HSD11B1L: variants seen among roughly 807,000 people sequenced by gnomAD.
The protein encoded by HSD11B1L is hydroxysteroid 11-beta dehydrogenase 1 like, also known as hydroxysteroid 11-beta-dehydrogenase 1-like protein.
In HSD11B1L, 22 loss-of-function variants were observed where a neutral mutation model predicts 27.0. The observed-to-expected ratio is 0.81, with a 90% CI of 0.58 to 1.16. The LOEUF is 1.16. Ranked by LOEUF, HSD11B1L falls within the 50% of genes most tolerant of loss-of-function variation. The pLI, the probability that HSD11B1L is intolerant of heterozygous loss-of-function variation, is 0.00. For synonymous variants in HSD11B1L, 187 were observed against 189.2 expected (o/e 0.99, Z 0.09); for missense variants, 372 against 401.8 (o/e 0.93, Z 0.63).
At chr19:5,681,810 C>T (rs887220082) in intron 1 of HSD11B1L, among the ~76,000 whole-genome samples, 1 of 152,158 alleles carries the variant, frequency 6.6e-6, no homozygotes, top group African/African-American at 2.4e-5. Flanking sequence ...TGGCCATCCA[C>T]CCATCCATCC....
At chr19:5,683,315 C>G (rs2054605953) in intron 1 of HSD11B1L, among the ~76,000 whole-genome samples, 1 of 151,698 alleles carries the variant, frequency 6.6e-6, no homozygotes, top group Non-Finnish European at 1.5e-5. Context: ...ATATCTTCAT[C>G]TGGATGACGC....
rs369668767 is a variant in HSD11B1L, at chr19:5,687,494, C to A, written c.503-9C>A. The A allele has an allele frequency of 5.0e-6, 8 of 1,591,598 alleles. No homozygotes were observed. Among genetic ancestry groups the A allele is most frequent in the Non-Finnish European group, 5.1e-6 (6 of 1,174,482 alleles). ...GGAGCCACTCAGCCGCTGCCGTCCG[C>A]GCCCCCAGGCCGCGTGCCCACGTCG... is the stretch of plus-strand genomic sequence containing the variant. On this transcript the variant is annotated splice_polypyrimidine_tract_variant and intron_variant, in intron 6 of 7. Transcript: ENST00000339423. The surrounding 1 kb of genome is among the most constrained non-coding windows in gnomAD (Gnocchi z 6.6).
Position 5,688,344 on chromosome 19 carries a change from C to T in HSD11B1L, c.*399C>T, listed in dbSNP as rs569286407. 3 of 708,992 alleles carry T rather than the reference C, an allele frequency of 4.2e-6. No individual in the cohort carries two copies. Among genetic ancestry groups the T allele is most frequent in the Non-Finnish European group, 6.9e-6 (3 of 436,706 alleles). 43.9% of individuals were successfully genotyped at this position (708,992 alleles called of 1,614,324 possible). A position where few individuals can be genotyped will look rare whatever the true frequency, so the allele number is the denominator to read the frequency against. The stretch of plus-strand genomic sequence containing the variant: ...TTCCATTCATTCCATCTGGGAGGAA[C>T]CCCCCCAACTCCTGCCAGCTTCCCC... On this transcript the variant is annotated 3_prime_UTR_variant, in exon 8 of 8. Transcript: ENST00000339423.
At chr19:5,686,368 A>G in intron 3 of HSD11B1L, 48 bp from the exon 4 acceptor site, 1 of 1,290,416 alleles carries the variant, frequency 7.7e-7, no homozygotes, top group Non-Finnish European at 1.1e-6. Flanking sequence ...TGGAGGGGGA[A>G]GCGCTGCTGT....
Position 5,685,392 on chromosome 19 carries a change from A to G in HSD11B1L, c.204+273A>G. 1.8e-6 allele frequency: 1 copy of G among 570,386 alleles called. No homozygotes were observed. Among genetic ancestry groups the G allele is most frequent in the Middle Eastern group, 3.3e-4 (1 of 3,026 alleles). 35.3% of individuals were successfully genotyped at this position (570,386 alleles called of 1,614,324 possible). A position where few individuals can be genotyped will look rare whatever the true frequency, so the allele number is the denominator to read the frequency against. ...GGAGTTCAAGACCAGCCTGGCCAAC[A>G]TGGCGAAACCTGGTCTCTACTAAGA... On this transcript the variant is annotated intron_variant, in intron 3 of 7. Coordinates refer to ENST00000339423, the MANE Select transcript of HSD11B1L (RefSeq NM_198706.3). This position sits in a 1 kb window ranked among gnomAD's most constrained non-coding sequence, Gnocchi z 4.3.
rs1794266214 is a variant in HSD11B1L at position 5,681,275 on chromosome 19, AGTGCACGGTTTAGGG to A, written c.-15+9_-15+23del. On this transcript the variant is annotated splice_donor_5th_base_variant and intron_variant, in intron 1 of 7. Coordinates refer to ENST00000339423, the MANE Select transcript of HSD11B1L (RefSeq NM_198706.3). ...GGGGAAACTGAGGCCTGAGCGGGTG[AGTGCACGGTTTAGGG>A]GTGCGCAGAGGGTCACACGCCCGCT... 1 of 152,424 alleles carries A rather than the reference AGTGCACGGTTTAGGG, an allele frequency of 6.6e-6. No individual in the cohort carries two copies. Among genetic ancestry groups the A allele is most frequent in the South Asian group, 2.0e-4 (1 of 4,900 alleles). 9.4% of individuals were successfully genotyped at this position (152,424 alleles called of 1,614,324 possible). A position where few individuals can be genotyped will look rare whatever the true frequency, so the allele number is the denominator to read the frequency against.
In HSD11B1L at chr19:5,685,065, G is replaced by C; in HGVS notation, c.150G>C (p.Ala50=). The C allele has an allele frequency of 1.3e-6, 2 of 1,555,226 alleles. No homozygotes were observed. The highest frequency in any genetic ancestry group is 1.7e-6 in the Non-Finnish European group (2 of 1,149,408). Residue 50 remains alanine, a synonymous_variant, in exon 3 of 8, where the codon GCG becomes GCC. Transcript: ENST00000339423. The surrounding 1 kb of genome is among the most constrained non-coding windows in gnomAD (Gnocchi z 4.3). Reference sequence around the variant, plus strand: ...GTGAGGAGCTGGCCTATCACTACGCGCGTCTGGGCTCCCACCTGGTGCTCA... The same window carrying C: ...GTGAGGAGCTGGCCTATCACTACGCCCGTCTGGGCTCCCACCTGGTGCTCA... ...GVGEELAYHY[A]RLGSHLVLTA... is the part of the protein sequence containing the mutation.
At chr19:5,686,091 G>A (rs1568300571) in intron 3 of HSD11B1L, among the ~76,000 whole-genome samples, 1 of 152,138 alleles carries the variant, frequency 6.6e-6, no homozygotes, top group Non-Finnish European at 1.5e-5. Flanking sequence ...GCAGTCCATT[G>A]CTACTTCAAG....
At position 5,688,044 on chromosome 19, in the gene HSD11B1L, C is replaced by T; in HGVS notation, c.*99C>T. 1.3e-6 allele frequency: 2 copies of T among 1,551,550 alleles called. No homozygotes were observed. Among genetic ancestry groups the T allele is most frequent in the Admixed American group, 2.0e-5 (1 of 51,004 alleles). On this transcript the variant is annotated 3_prime_UTR_variant, in exon 8 of 8. Transcript: ENST00000339423. ...ACAGAGACACCCCTGAGAGGGTGGC[C>T]ACAGCCCAAGATGAAGTCATCAAGA...
chr19:5,688,337 G>A lies in HSD11B1L; in HGVS notation c.*392G>A. 1 of 766,582 alleles carries A rather than the reference G, an allele frequency of 1.3e-6. No individual in the cohort carries two copies. Among genetic ancestry groups the A allele is most frequent in the Non-Finnish European group, 2.0e-6 (1 of 487,848 alleles). 47.5% of individuals were successfully genotyped at this position (766,582 alleles called of 1,614,324 possible). On this transcript the variant is annotated 3_prime_UTR_variant, in exon 8 of 8. Transcript: ENST00000339423. ...TTATTCTTTCCATTCATTCCATCTGGGAGGAACCCCCCCAACTCCTGCCAG... is the reference window on the plus strand; with the variant it reads ...TTATTCTTTCCATTCATTCCATCTGAGAGGAACCCCCCCAACTCCTGCCAG...
intron 1 of HSD11B1L, among the ~76,000 whole-genome samples, chr19:5,683,440 C>T (rs1489611866): frequency 6.6e-6 from 1 of 152,124 alleles, no homozygotes; most frequent in Non-Finnish European, 1.5e-5. Flanking sequence ...TCATATCACT[C>T]CATGATCAAT....
Position 5,687,693 on chromosome 19 carries a change from T to C in HSD11B1L, c.668+25T>C, listed in dbSNP as rs749609426. The C allele has an allele frequency of 1.0e-5, 16 of 1,549,732 alleles. No individual in the cohort carries two copies. The highest frequency in any genetic ancestry group is 1.4e-5 in the Non-Finnish European group (16 of 1,152,580). On this transcript the variant is annotated intron_variant, in intron 7 of 7. Coordinates refer to ENST00000339423, the MANE Select transcript of HSD11B1L (RefSeq NM_198706.3). The surrounding 1 kb of genome is among the most constrained non-coding windows in gnomAD (Gnocchi z 6.6). The stretch of plus-strand genomic sequence containing the variant: ...GGTGAGGCCCGGACAAGCTGGGGGC[T>C]GGGCTGGGGGCCATGGCCCAGCCCC...
intron 1 of HSD11B1L, among the ~76,000 whole-genome samples, chr19:5,683,505 C>A (rs2054609920): frequency 6.6e-6 from 1 of 152,178 alleles, no homozygotes; most frequent in South Asian, 2.1e-4. Context: ...GCCCTGAAGA[C>A]CCAATAGGGA....
rs1249246555 is a variant in HSD11B1L at position 5,686,862 on chromosome 19, G to A, written c.317-38G>A. On this transcript the variant is annotated intron_variant, in intron 4 of 7. Coordinates refer to ENST00000339423, the MANE Select transcript of HSD11B1L (RefSeq NM_198706.3). ...GGGCGGGGTTTGATCGTTTCCTTGG[G>A]GAGGGGCCTCCGGGGCTGACCGGCG... 5 of 1,492,708 alleles carry A rather than the reference G, an allele frequency of 3.3e-6. No individual in the cohort carries two copies. In the East Asian group the frequency reaches 1.0e-4, roughly 30 times the overall value. The allele number at this position is 1,492,708 out of a possible 1,614,324, so 92.5% of individuals were successfully genotyped here. A position where few individuals can be genotyped will look rare whatever the true frequency, so the allele number is the denominator to read the frequency against.
Position 5,687,664 on chromosome 19 carries a change from G to C in HSD11B1L, c.664G>C (p.Val222Leu), listed in dbSNP as rs766902997. Residue 222 changes from valine (V) to leucine (L), a missense_variant, in exon 7 of 8, where the codon GTC becomes CTC. By Grantham distance (32) the Val-to-Leu change is conservative. Transcript: ENST00000339423. This position sits in a 1 kb window ranked among gnomAD's most constrained non-coding sequence, Gnocchi z 6.6. The part of the protein sequence containing the change: ...LRDRASAAEA[V>L]RGVTRVKAAP... ...AGATCGCGCCTCCGCCGCCGAGGCA[G>C]TCAGGTGAGGCCCGGACAAGCTGGG... 3.2e-6 allele frequency: 5 copies of C among 1,581,404 alleles called. No homozygotes were observed. Among genetic ancestry groups the C allele is most frequent in the Non-Finnish European group, 4.3e-6 (5 of 1,169,424 alleles).
chr19:5,684,380 G>A (rs562573775), intron 1 of HSD11B1L: 7 of 332,370 alleles, frequency 2.1e-5, no homozygotes, highest in Non-Finnish European at 3.3e-5. Context: ...GGTTATATCC[G>A]GGAACAGCAT....
At chr19:5,684,772 G>A (rs2054643845) in intron 1 of HSD11B1L, 47 bp from the exon 2 acceptor site, 1 of 1,611,238 alleles carries the variant, frequency 6.2e-7, no homozygotes, top group Non-Finnish European at 8.5e-7. Flanking sequence ...ACGGGTGGCT[G>A]TGGGCCAGGC....
At position 5,686,536 on chromosome 19, in the gene HSD11B1L, C is replaced by T. The variant is rs1377550813; in HGVS notation, c.316+9C>T. ...TGCGCTGGACAAGCTGGGTGAGGGG[C>T]TGGGCCTGAAGCCTGGAGTCCGGGA... On this transcript the variant is annotated intron_variant, in intron 4 of 7. Transcript: ENST00000339423. 2.6e-6 allele frequency: 4 copies of T among 1,564,480 alleles called. No homozygotes were observed. Among genetic ancestry groups the T allele is most frequent in the Non-Finnish European group, 1.7e-6 (2 of 1,153,892 alleles).
At chr19:5,683,318 G>A (rs2054606015) in intron 1 of HSD11B1L, among the ~76,000 whole-genome samples, 1 of 151,814 alleles carries the variant, frequency 6.6e-6, no homozygotes, top group African/African-American at 2.4e-5. Flanking sequence ...TCTTCATCTG[G>A]ATGACGCAGG....
Sources: allele counts gnomAD v4.1 joint callset (sites outside exome capture counted in the v4.1 genomes callset), GRCh38; gene constraint gnomAD v4.1.1; non-coding constraint Gnocchi (gnomAD v3.1); transcripts MANE v1.5; gene names NCBI Gene and HGNC (gene_info 2026-07-23, HGNC 2026-07-21).